The following GALC variants were observed in gnomAD, a reference collection of about 807,000 sequenced individuals.
GALC encodes the protein galactocerebrosidase.
In GALC, 77 loss-of-function variants were observed where a neutral mutation model predicts 91.8. That is an observed-to-expected ratio of 0.84 (90% CI 0.70 to 1.01). The LOEUF is 1.01. Among genes scored for constraint, GALC ranks in the 50% least tolerant of loss-of-function variants. GALC has a pLI of 0.00. For synonymous variants in GALC, 357 were observed against 306.7 expected, an observed-to-expected ratio of 1.16 and a Z score of -1.71; for missense variants, 882 against 855.9, an observed-to-expected ratio of 1.03 and a Z score of -0.38.
At chr14:87,960,221 CAG>C (rs763218460) in intron 10 of GALC, among the ~76,000 whole-genome samples, 14 of 149,546 alleles carry the variant, frequency 9.4e-5, no homozygotes, top group Admixed American at 2.0e-4. Context: ...ATCACAGATG[CAG>C]AGAGTAGAAC....
intron 10 of GALC, among the ~76,000 whole-genome samples, chr14:87,956,593 T>TACACAC (rs56760246): frequency 2.2e-5 from 3 of 139,188 alleles, no homozygotes; most frequent in African/African-American, 8.9e-5. Context: ...ACCATATATA[T>TACACAC]ACACACACAC....
intron 10 of GALC, chr14:87,953,793 T>C: frequency 6.2e-7 from 1 of 1,606,318 alleles, no homozygotes; most frequent in Admixed American, 1.7e-5. Flanking sequence ...AATAAAAAAC[T>C]GTGATTCTAA....
At chr14:87,981,763 CTT>C (rs1886757689) in intron 6 of GALC, among the ~76,000 whole-genome samples, 1 of 152,060 alleles carries the variant, frequency 6.6e-6, no homozygotes, top group Non-Finnish European at 1.5e-5. Flanking sequence ...ACTGCTACCT[CTT>C]TGCTAATCAC....
intron 1 of GALC, chr14:87,992,190 G>T: frequency 1.8e-6 from 2 of 1,092,012 alleles, no homozygotes; most frequent in Non-Finnish European, 2.7e-6. Flanking sequence ...ATGTAAGGAT[G>T]CAAGCTCCAT....
chr14:87,959,638 T>G (rs894135550), intron 10 of GALC: 1 of 151,248 alleles, frequency 6.6e-6, no homozygotes, highest in Non-Finnish European at 1.5e-5. Context: ...AAGAATCACT[T>G]GAACCCAGGA....
chr14:87,968,448 C>T lies in GALC; in HGVS notation c.795G>A (p.Leu265=). The change falls in exon 8 of 17, where the codon TTG becomes TTA. Residue 265 remains leucine, a synonymous_variant. Transcript: ENST00000261304. ...CAGAAGACCAAAGCTTCTTCCCAGT[C>T]AACTTTGCATCTTTTGCTGAATGGG... The part of the protein sequence containing the change: ...PGTHSAKDAK[L]TGKKLWSSED... 6.2e-7 allele frequency: 1 copy of T among 1,613,696 alleles called. No individual in the cohort carries two copies. Among genetic ancestry groups the T allele is most frequent in the Non-Finnish European group, 8.5e-7 (1 of 1,179,828 alleles).
chr14:87,965,791 T>C (rs554304102), intron 8 of GALC, among the ~76,000 whole-genome samples, 162 bp from the exon 9 acceptor site: 1 of 152,190 alleles, frequency 6.6e-6, no homozygotes, highest in South Asian at 2.1e-4. Context: ...CTAAATTTAT[T>C]CACATTTTGA....
intron 14 of GALC, 118 bp from the exon 15 acceptor site, chr14:87,941,676 G>T: frequency 2.5e-6 from 2 of 794,966 alleles, no homozygotes; most frequent in Non-Finnish European, 2.2e-6. Flanking sequence ...AATGTGATTT[G>T]CTAAGTCTAA....
At chr14:87,935,950 A>G (rs1194196241) in intron 16 of GALC, among the ~76,000 whole-genome samples, 3 of 152,024 alleles carry the variant, frequency 2.0e-5, no homozygotes, top group African/African-American at 7.2e-5. Context: ...TCAGCTCTAG[A>G]AGTGCTTACT....
chr14:87,977,333 G>A (rs1228862673), intron 6 of GALC, among the ~76,000 whole-genome samples: 1 of 152,068 alleles, frequency 6.6e-6, no homozygotes, highest in Non-Finnish European at 1.5e-5. Context: ...AGCACAAACA[G>A]TACCTACTTT....
chr14:87,976,851 T>G (rs567536288), intron 6 of GALC: 12 of 262,118 alleles, frequency 4.6e-5, no homozygotes, highest in Non-Finnish European at 8.3e-5. Context: ...CCTGACCTCA[T>G]GGATGATAAT....
rs780754563 is a variant in GALC at position 87,934,780 on chromosome 14, GGAGT to G, written c.2006_2009del (p.His669ProfsTer19). 1.1e-5 allele frequency: 18 copies of G among 1,613,016 alleles called. No individual in the cohort carries two copies. Among genetic ancestry groups the G allele is most frequent in the Non-Finnish European group, 3.4e-6 (4 of 1,179,384 alleles). ...AGTTGTCAAACTGTGCAAATTCAAA[GGAGT>G]GAGTTCCAATTGCAGCCCAGCCATT... On this transcript the variant is annotated frameshift_variant, in exon 17 of 17. Transcript: ENST00000261304. LOFTEE classifies it high-confidence loss of function.
At position 87,976,486 on chromosome 14, in the gene GALC, T is replaced by C; in HGVS notation, c.624A>G (p.Ile208Met). The change falls in exon 7 of 17, where the codon ATA (isoleucine) becomes ATG (methionine). Residue 208 changes from isoleucine (I) to methionine (M), a missense_variant and splice_region_variant. By Grantham distance (10) the Ile-to-Met change is conservative. Transcript: ENST00000261304. ...ERSYNANYIK[I>M]LRKMLNYQGL... ...CTTGATAATTCAGCATTTTTCTTAA[T>C]ATCTTTTGGAGTAAGAAACAGAACA... 1 of 1,611,384 alleles carries C rather than the reference T, an allele frequency of 6.2e-7. No homozygotes were observed. The highest frequency in any genetic ancestry group is 8.5e-7 in the Non-Finnish European group (1 of 1,177,582).
rs1265628439 is a variant in GALC at position 87,984,458 on chromosome 14, TAG to T, written c.516_517del (p.Tyr173LeufsTer14). 1.5e-5 allele frequency: 25 copies of T among 1,613,958 alleles called. No individual in the cohort carries two copies. Among genetic ancestry groups the T allele is most frequent in the Non-Finnish European group, 1.9e-5 (22 of 1,179,958 alleles). Reference sequence around the variant, plus strand: ...GCCCACAATCCAGGTCACGACATAATAGGCAGTCAGCTGAAGATTGACATAAG... The same window carrying T: ...GCCCACAATCCAGGTCACGACATAATGCAGTCAGCTGAAGATTGACATAAG... On this transcript the variant is annotated frameshift_variant, in exon 5 of 17. Coordinates refer to ENST00000261304, the MANE Select transcript of GALC (RefSeq NM_000153.4). LOFTEE classifies it high-confidence loss of function.
chr14:87,949,870 A>T lies in GALC; in HGVS notation c.1313T>A (p.Leu438His). 1 of 1,594,768 alleles carries T rather than the reference A, an allele frequency of 6.3e-7. No individual in the cohort carries two copies. Among genetic ancestry groups the T allele is most frequent in the Non-Finnish European group, 8.6e-7 (1 of 1,163,272 alleles). ...CCATAGAGAATCCAGCTGCTTAAAA[A>T]GAAATCTTTCGGATGTTTTTCCAAG... is the stretch of plus-strand genomic sequence containing the variant. Reference protein sequence around the residue: ...TKLGKTSERFLFKQLDSLWLL... With the variant: ...TKLGKTSERFHFKQLDSLWLL... The change falls in exon 12 of 17, where the codon CTT becomes CAT. Residue 438 changes from leucine (L) to histidine (H), a missense_variant. Physicochemically the swap from Leu to His is moderately conservative, Grantham distance 99. Coordinates refer to ENST00000261304, the MANE Select transcript of GALC (RefSeq NM_000153.4).
intron 16 of GALC, among the ~76,000 whole-genome samples, chr14:87,939,175 C>A (rs1362145666): frequency 6.6e-6 from 1 of 151,864 alleles, no homozygotes; most frequent in Non-Finnish European, 1.5e-5. Flanking sequence ...ATCTATGCTA[C>A]ATCCAAACCA....
At chr14:87,936,728 T>C (rs1049776111) in intron 16 of GALC, among the ~76,000 whole-genome samples, 7 of 151,096 alleles carry the variant, frequency 4.6e-5, no homozygotes, top group African/African-American at 1.2e-4. Flanking sequence ...ACAGAAGTTA[T>C]CTCCATTTTG....
intron 1 of GALC, chr14:87,992,646 C>T: frequency 6.9e-7 from 1 of 1,443,324 alleles, no homozygotes; most frequent in Non-Finnish European, 9.0e-7. Context: ...ACAGCCTGTG[C>T]CCCACTGCCT....
chr14:87,993,309 G>A, upstream of GALC: 1 of 1,537,102 alleles, frequency 6.5e-7, no homozygotes, highest in Non-Finnish European at 8.7e-7. Context: ...GCGGAGTGTT[G>A]AGAAAAGAAG....
Sources: allele counts gnomAD v4.1 joint callset (sites outside exome capture counted in the v4.1 genomes callset), GRCh38; gene constraint gnomAD v4.1.1; transcripts MANE v1.5; gene names NCBI Gene and HGNC (gene_info 2026-07-23, HGNC 2026-07-21).